The following FBXO46 variants were observed in gnomAD, a reference collection of about 807,000 sequenced individuals.
FBXO46 encodes F-box only protein 46.
In FBXO46, 13 loss-of-function variants were observed where a neutral mutation model predicts 30.7. That is an observed-to-expected ratio of 0.42 (90% CI 0.28 to 0.67). The LOEUF is 0.67. Among genes scored for constraint, FBXO46 ranks in the 30% least tolerant of loss-of-function variants. The pLI is 0.21. For missense variants in FBXO46, 754 were observed against 871.5 expected (o/e 0.87, Z 1.70); for synonymous variants, 467 against 385.8 (o/e 1.21, Z -2.47).
At chr19:45,727,281 G>A (rs779128955) in intron 1 of FBXO46, among the ~76,000 whole-genome samples, 3 of 152,016 alleles carry the variant, frequency 2.0e-5, no homozygotes, top group East Asian at 3.9e-4. Context: ...AAAAGAGGTC[G>A]GAGCAGTGGC....
chr19:45,712,236 CG>C lies in FBXO46; in HGVS notation c.1259del (p.Pro420ArgfsTer38), dbSNP rs775018065. 1.2e-6 allele frequency: 2 copies of C among 1,604,984 alleles called. No homozygotes were observed. The highest frequency in any genetic ancestry group is 8.5e-7 in the Non-Finnish European group (1 of 1,178,088). On this transcript the variant is annotated frameshift_variant, in exon 2 of 2. Transcript: ENST00000317683. LOFTEE classifies it high-confidence loss of function. This position sits in a 1 kb window ranked among gnomAD's most constrained non-coding sequence, Gnocchi z 8.8. ...CCGGGGAGTCGGCCGGGGGTGGCTC[CG>C]GGGGCCCGTCCGGCCCGCGGTTCTG... ...FLQNRGPDGP[P>X]EPPPADSPAT... is the part of the protein sequence containing the mutation.
chr19:45,712,746 C>G lies in FBXO46; in HGVS notation c.750G>C (p.Glu250Asp). Residue 250 changes from glutamate (E) to aspartate (D), a missense_variant, in exon 2 of 2, where the codon GAG becomes GAC. Physicochemically the swap from Glu to Asp is conservative, Grantham distance 45. Around this residue, in one of 5 missense-constraint regions of FBXO46, gnomAD observed 454 missense variants for 426.5 expected, o/e 1.06. Coordinates refer to ENST00000317683, the MANE Select transcript of FBXO46 (RefSeq NM_001080469.2). The surrounding 1 kb of genome is among the most constrained non-coding windows in gnomAD (Gnocchi z 8.8). ...SPPTKGLRKE[E>D]RPGPGPGEVR... ...CCTCCCCAGGGCCTGGCCCGGGCCG[C>G]TCTTCCTTGCGGAGGCCCTTGGTGG... 6.2e-7 allele frequency: 1 copy of G among 1,611,610 alleles called. No individual in the cohort carries two copies. Among genetic ancestry groups the G allele is most frequent in the South Asian group, 1.1e-5 (1 of 90,864 alleles).
chr19:45,715,971 A>G (rs1371167203), intron 1 of FBXO46: 1 of 152,170 alleles, frequency 6.6e-6, no homozygotes, highest in Non-Finnish European at 1.5e-5. Context: ...TCCCTGCTGT[A>G]ATCTCAGCTC....
intron 1 of FBXO46, among the ~76,000 whole-genome samples, chr19:45,726,132 A>T (rs1968237053): frequency 1.3e-5 from 2 of 152,168 alleles, no homozygotes. Context: ...ATTTGAGCAT[A>T]GGAGTTCAAG....
rs989953798 is a variant in FBXO46, at chr19:45,711,132, T to C, written c.*552A>G. On this transcript the variant is annotated 3_prime_UTR_variant, in exon 2 of 2. Transcript: ENST00000317683. The stretch of plus-strand genomic sequence containing the variant: ...CCCCACTTCTTTAATAGGCAAACCA[T>C]CTAGAAATGGACTGTCATAAAAAAA... 3 of 382,056 alleles carry C rather than the reference T, an allele frequency of 7.9e-6. No individual in the cohort carries two copies. Among genetic ancestry groups the C allele is most frequent in the Non-Finnish European group, 1.5e-5 (3 of 196,726 alleles). 23.7% of individuals were successfully genotyped at this position (382,056 alleles called of 1,614,324 possible). A position where few individuals can be genotyped will look rare whatever the true frequency, so the allele number is the denominator to read the frequency against.
chr19:45,724,110 A>G (rs1968207971), intron 1 of FBXO46, among the ~76,000 whole-genome samples: 1 of 152,186 alleles, frequency 6.6e-6, no homozygotes, highest in Non-Finnish European at 1.5e-5. Flanking sequence ...TAAGATTTCA[A>G]GAAAAGGCAA....
At chr19:45,725,248 C>CTAAAAAAAT (rs1254977314) in intron 1 of FBXO46, among the ~76,000 whole-genome samples, 1 of 152,000 alleles carries the variant, frequency 6.6e-6, no homozygotes, top group African/African-American at 2.4e-5. Flanking sequence ...TTATTCATCT[C>CTAAAAAAAT]TACAAAAATT....
In FBXO46 at chr19:45,722,618, T is replaced by C. The variant is rs928892596; in HGVS notation, c.-79+8231A>G. 3.3e-5 allele frequency among the ~76,000 whole-genome samples: 5 copies of C among 152,128 alleles called. 1 individual carries two copies. Among genetic ancestry groups the C allele is most frequent in the Admixed American group, 3.3e-4 (5 of 15,268 alleles). On this transcript the variant is annotated intron_variant, in intron 1 of 1. Transcript: ENST00000317683. ...TCTACTAAAAATACAAAAAATTAGC[T>C]GGGTGTGGTGGCGGGCGCCTGTAGT...
At position 45,712,479 on chromosome 19, in the gene FBXO46, C is replaced by T. The variant is rs189156046; in HGVS notation, c.1017G>A (p.Pro339=). Residue 339 remains proline, a synonymous_variant, in exon 2 of 2, where the codon CCG becomes CCA. Coordinates refer to ENST00000317683, the MANE Select transcript of FBXO46 (RefSeq NM_001080469.2). The surrounding 1 kb of genome is among the most constrained non-coding windows in gnomAD (Gnocchi z 8.8). ...GAGTGTCCTCAGGCCTGGCGGGTGC[C>T]GGGCTGTCACCCTCACTGGCCTCAT... ...RADEASEGDS[P]APARPEDTPP... The T allele has an allele frequency of 1.2e-4, 192 of 1,607,348 alleles. No individual in the cohort carries two copies. In the African/African-American group the frequency reaches 1.9e-3, roughly 16 times the overall value.
intron 1 of FBXO46, among the ~76,000 whole-genome samples, chr19:45,724,385 A>C (rs1353551539): frequency 6.6e-6 from 1 of 152,228 alleles, no homozygotes; most frequent in Non-Finnish European, 1.5e-5. Context: ...AGAGAAACCC[A>C]AACTTGAAAA....
At chr19:45,730,671 T>A (rs1020183044) in intron 1 of FBXO46, among the ~76,000 whole-genome samples, 178 bp downstream of exon 1, 1 of 134,284 alleles carries the variant, frequency 7.4e-6, no homozygotes, top group African/African-American at 2.9e-5. Context: ...CCAAGACCCC[T>A]CCCCAAGCCA....
chr19:45,728,454 T>G (rs1447987090), intron 1 of FBXO46, among the ~76,000 whole-genome samples: 1 of 152,192 alleles, frequency 6.6e-6, no homozygotes, highest in Non-Finnish European at 1.5e-5. Flanking sequence ...TAAAGTAAGT[T>G]CCACTATACT....
At position 45,710,965 on chromosome 19, in the gene FBXO46, T is replaced by A; in HGVS notation, c.*719A>T. Reference sequence around the variant, plus strand: ...AAAGGGCTTCACAGCTTTATGGGGGTGGGGTTGATGGCAGTAGCTTAAATA... The same window carrying A: ...AAAGGGCTTCACAGCTTTATGGGGGAGGGGTTGATGGCAGTAGCTTAAATA... On this transcript the variant is annotated 3_prime_UTR_variant, in exon 2 of 2. Transcript: ENST00000317683. The A allele has an allele frequency of 4.8e-6, 1 of 208,672 alleles. No individual in the cohort carries two copies. The highest frequency in any genetic ancestry group is 9.8e-6 in the Non-Finnish European group (1 of 102,522). 12.9% of individuals were successfully genotyped at this position (208,672 alleles called of 1,614,324 possible). A position where few individuals can be genotyped will look rare whatever the true frequency, so the allele number is the denominator to read the frequency against.
At chr19:45,714,387 C>G (rs1429328824) in intron 1 of FBXO46, 3 of 148,356 alleles carry the variant, frequency 2.0e-5, no homozygotes, top group African/African-American at 7.5e-5. Flanking sequence ...TTTTTTTTTT[C>G]AGGTAGTGGG....
At position 45,713,829 on chromosome 19, in the gene FBXO46, G is replaced by A. The variant is rs543737812; in HGVS notation, c.-78-256C>T. Reference sequence around the variant, plus strand: ...CTAAAAATACAAAAATGTGCTGGGCGTGATAGTCCACGCCTGTAATCCAAG... The same window carrying A: ...CTAAAAATACAAAAATGTGCTGGGCATGATAGTCCACGCCTGTAATCCAAG... On this transcript the variant is annotated intron_variant, in intron 1 of 1. Coordinates refer to ENST00000317683, the MANE Select transcript of FBXO46 (RefSeq NM_001080469.2). The surrounding 1 kb of genome is among the most constrained non-coding windows in gnomAD (Gnocchi z 4.7). Among the ~76,000 whole-genome samples the A allele has an allele frequency of 2.0e-5, 3 of 152,190 alleles. No homozygotes were observed. The highest frequency in any genetic ancestry group is 1.9e-4 in the East Asian group (1 of 5,182).
chr19:45,731,059 C>A (rs1453250184), upstream of FBXO46, among the ~76,000 whole-genome samples: 1 of 152,196 alleles, frequency 6.6e-6, no homozygotes, highest in African/African-American at 2.4e-5. Flanking sequence ...CTCGAACTCC[C>A]GGGAGACAAA....
intron 1 of FBXO46, among the ~76,000 whole-genome samples, chr19:45,718,091 G>T (rs1968124695): frequency 6.6e-6 from 1 of 152,132 alleles, no homozygotes; most frequent in Non-Finnish European, 1.5e-5. Flanking sequence ...AGTGCCCTCT[G>T]GAAAACACCC....
chr19:45,721,523 G>T (rs940642795), intron 1 of FBXO46, among the ~76,000 whole-genome samples: 1 of 148,482 alleles, frequency 6.7e-6, no homozygotes, highest in East Asian at 2.0e-4. Flanking sequence ...TTGGTGGCAG[G>T]ACACCAGGGT....
intron 1 of FBXO46, among the ~76,000 whole-genome samples, chr19:45,721,263 T>A (rs2146155778): frequency 6.6e-6 from 1 of 152,104 alleles, no homozygotes; most frequent in South Asian, 2.1e-4. Flanking sequence ...GAGGATCGCT[T>A]GAGCCCGGAA....
Sources: allele counts gnomAD v4.1 joint callset (sites outside exome capture counted in the v4.1 genomes callset), GRCh38; gene constraint gnomAD v4.1.1; regional missense constraint gnomAD v4.1.1; non-coding constraint Gnocchi (gnomAD v3.1); transcripts MANE v1.5; gene names NCBI Gene and HGNC (gene_info 2026-07-23, HGNC 2026-07-21).